The following C8orf82 variants were observed in gnomAD, a reference collection of about 807,000 sequenced individuals.
The protein encoded by C8orf82 is chromosome 8 open reading frame 82, also known as UPF0598 protein C8orf82.
Under a neutral mutation model 15.0 loss-of-function variants are expected in C8orf82, and 24 were observed. That is an observed-to-expected ratio of 1.60 (90% CI 1.16 to 2.24). The LOEUF is 2.24. Ranked by LOEUF, C8orf82 falls within the 30% of genes most tolerant of loss-of-function variation. The probability of loss-of-function intolerance (pLI) is 0.00; values close to 1 mark genes in which losing one functional copy is unlikely to be tolerated. For synonymous variants in C8orf82, 205 were observed against 152.2 expected, an observed-to-expected ratio of 1.35 and a Z score of -2.55; for missense variants, 388 against 317.4, an observed-to-expected ratio of 1.22 and a Z score of -1.69.
chr8:144,526,988 C>A lies in C8orf82; in HGVS notation c.*354G>T, dbSNP rs925785801. ...ACGCTCCCGCGGCGAGCGGCTCCCC[C>A]GCCGTGCAGGTGGCGGCCGGGCCCG... On this transcript the variant is annotated 3_prime_UTR_variant, in exon 3 of 3. Transcript: ENST00000524821. 1 of 153,194 alleles carries A rather than the reference C, an allele frequency of 6.5e-6. No homozygotes were observed. 9.5% of individuals were successfully genotyped at this position (153,194 alleles called of 1,614,324 possible).
intron 1 of C8orf82, 28 bp downstream of exon 1, chr8:144,528,733 C>G: frequency 7.9e-7 from 1 of 1,272,970 alleles, no homozygotes; most frequent in Non-Finnish European, 1.0e-6. Flanking sequence ...GGCCCCGCCT[C>G]TCGAGCAACG....
rs1364886324 is a variant in C8orf82 at position 144,527,417 on chromosome 8, G to C, written c.576C>G (p.His192Gln). 1.6e-6 allele frequency: 2 copies of C among 1,240,790 alleles called. No homozygotes were observed. The highest frequency in any genetic ancestry group is 2.0e-6 in the Non-Finnish European group (2 of 988,752). The allele number at this position is 1,240,790 out of a possible 1,614,324, so 76.9% of individuals were successfully genotyped here. ...YGPGAPALPS[H>Q]VRWQGRRLAL... ...CGAGGCGGCGGCCCTGCCAGCGCAC[G>C]TGCGAGGGCAGCGCAGGCGCGCCGG... is the stretch of plus-strand genomic sequence containing the variant. The change falls in exon 3 of 3, where the codon CAC (histidine) becomes CAG (glutamine). Residue 192 changes from histidine to glutamine, a missense_variant. Coordinates refer to ENST00000524821, the MANE Select transcript of C8orf82 (RefSeq NM_001001795.2).
rs767836210 is a variant in C8orf82, at chr8:144,528,082, G to A, written c.157-10C>T. On this transcript the variant is annotated splice_polypyrimidine_tract_variant and intron_variant, in intron 1 of 2. Transcript: ENST00000524821. ...AATCATCCAGGAAAAGCTGCAGATA[G>A]AGGGCCAGGCCGTGATAAGTCCCAG... 1.2e-6 allele frequency: 2 copies of A among 1,612,202 alleles called. No homozygotes were observed. The highest frequency in any genetic ancestry group is 1.1e-5 in the South Asian group (1 of 91,072).
Position 144,527,354 on chromosome 8 carries a change from A to G in C8orf82, c.639T>C (p.Ala213=). The G allele has an allele frequency of 5.8e-6, 7 of 1,208,098 alleles. No homozygotes were observed. Among genetic ancestry groups the G allele is most frequent in the Non-Finnish European group, 7.2e-6 (7 of 968,226 alleles). 74.8% of individuals were successfully genotyped at this position (1,208,098 alleles called of 1,614,324 possible). ...TMDLAPLLLA[A]RSP ...CCCTTGGCCCCGCTCAGGGCGACCG[A>G]GCCGCGAGCAGCAGCGGGGCCAGGT... Residue 213 remains alanine, a synonymous_variant, in exon 3 of 3, where the codon GCT becomes GCC. Transcript: ENST00000524821.
Position 144,527,921 on chromosome 8 carries a change from G to T in C8orf82, c.205+103C>A, listed in dbSNP as rs765250495. ...TCAGCGGGGCTCCTGAGCGCAGGACGCCCACTCCTTGGTGCGCTGGGCCCG... is the reference window on the plus strand; with the variant it reads ...TCAGCGGGGCTCCTGAGCGCAGGACTCCCACTCCTTGGTGCGCTGGGCCCG... On this transcript the variant is annotated intron_variant, in intron 2 of 2. Transcript: ENST00000524821. 2.0e-6 allele frequency: 3 copies of T among 1,502,034 alleles called. No individual in the cohort carries two copies. The South Asian group carries it at 3.4e-5, about 17-fold the overall frequency. The allele number at this position is 1,502,034 out of a possible 1,614,324, so 93.0% of individuals were successfully genotyped here.
intron 1 of C8orf82, 53 bp downstream of exon 1, chr8:144,528,708 C>CCCCCA: frequency 1.0e-5 from 8 of 770,996 alleles, no homozygotes; most frequent in Non-Finnish European, 1.4e-5. Context: ...CCCGCCCCGC[C>CCCCCA]CAGAGACCTC....
In C8orf82 at chr8:144,529,043, G is replaced by A. The variant is rs2130806479; in HGVS notation, c.-127C>T. 3.0e-6 allele frequency: 3 copies of A among 1,009,078 alleles called. No individual in the cohort carries two copies. The highest frequency in any genetic ancestry group is 2.2e-5 in the South Asian group (1 of 44,868). The allele number at this position is 1,009,078 out of a possible 1,614,324, so 62.5% of individuals were successfully genotyped here. A position where few individuals can be genotyped will look rare whatever the true frequency, so the allele number is the denominator to read the frequency against. ...CCCGCCTCCGCGACCCGGGCCCGGCGCTCTTCCCTCTCCCTCGGGCCTCGG... is the reference window on the plus strand; with the variant it reads ...CCCGCCTCCGCGACCCGGGCCCGGCACTCTTCCCTCTCCCTCGGGCCTCGG... On this transcript the variant is annotated 5_prime_UTR_variant, in exon 1 of 3. Transcript: ENST00000524821.
In C8orf82 at chr8:144,527,384, G is replaced by T; in HGVS notation, c.609C>A (p.Thr203=). ...CGAGCAGCAGCGGGGCCAGGTCCAT[G>T]GTGAGGGCGAGGCGGCGGCCCTGCC... ...VRWQGRRLAL[T]MDLAPLLLAA... is the part of the protein sequence containing the mutation. Residue 203 remains threonine, a synonymous_variant, in exon 3 of 3, where the codon ACC becomes ACA. Transcript: ENST00000524821. The T allele has an allele frequency of 1.6e-6, 2 of 1,240,686 alleles. No homozygotes were observed. The highest frequency in any genetic ancestry group is 2.0e-6 in the Non-Finnish European group (2 of 986,756). The allele number at this position is 1,240,686 out of a possible 1,614,324, so 76.9% of individuals were successfully genotyped here. A position where few individuals can be genotyped will look rare whatever the true frequency, so the allele number is the denominator to read the frequency against.
intron 1 of C8orf82, chr8:144,528,506 C>G (rs1326731973): frequency 7.0e-6 from 10 of 1,423,722 alleles, no homozygotes; most frequent in Non-Finnish European, 9.2e-6. Context: ...CACAACGCAG[C>G]AGGGACGCGG....
At chr8:144,527,887 T>G (rs2721143) in intron 2 of C8orf82, 100 bp from the exon 3 acceptor site, 2 of 1,518,126 alleles carry the variant, frequency 1.3e-6, no homozygotes, top group Non-Finnish European at 1.8e-6. Context: ...GAGGTTCGCC[T>G]GGCCTCACTC....
At position 144,527,735 on chromosome 8, in the gene C8orf82, C is replaced by T. The variant is rs1436742383; in HGVS notation, c.258G>A (p.Gly86=). ...GGAAGGGGAAAGCGGCCTCGTAGCG[C>T]CCGCTGCGGTTGGGTCTCAGGCGGG... ...FFSRLRPNRS[G]RYEAAFPFLS... Residue 86 remains glycine, a synonymous_variant, in exon 3 of 3, where the codon GGG becomes GGA. Transcript: ENST00000524821. The T allele has an allele frequency of 6.3e-7, 1 of 1,592,988 alleles. No individual in the cohort carries two copies. Among genetic ancestry groups the T allele is most frequent in the Non-Finnish European group, 8.5e-7 (1 of 1,176,922 alleles).
Position 144,527,152 on chromosome 8 carries a change from G to T in C8orf82, c.*190C>A. 3.7e-6 allele frequency: 1 copy of T among 267,048 alleles called. No homozygotes were observed. Among genetic ancestry groups the T allele is most frequent in the Non-Finnish European group, 6.4e-6 (1 of 156,090 alleles). The allele number at this position is 267,048 out of a possible 1,614,324, so 16.5% of individuals were successfully genotyped here. ...GTCGGGTGCGCGGGGGGCGCGCGCCGTGGGGAGCGGGGTGTCCGGGAGGGC... is the reference window on the plus strand; with the variant it reads ...GTCGGGTGCGCGGGGGGCGCGCGCCTTGGGGAGCGGGGTGTCCGGGAGGGC... On this transcript the variant is annotated 3_prime_UTR_variant, in exon 3 of 3. Transcript: ENST00000524821.
chr8:144,528,616 C>CCCGGGGGGGGGGGGGGGGGGGGG, intron 1 of C8orf82, 145 bp downstream of exon 1: 7 of 296,004 alleles, frequency 2.4e-5, no homozygotes, highest in Non-Finnish European at 3.6e-5. Flanking sequence ...GCGCAGGCCC[C>CCCGGGGGGGGGGGGGGGGGGGGG]GCCCACCCAC....
rs1306935141 is a variant in C8orf82 at position 144,527,272 on chromosome 8, CCGGGGCGTGGAGTCCCGGGGGAG to C, written c.*47_*69del. The C allele has an allele frequency of 1.9e-6, 2 of 1,064,776 alleles. No homozygotes were observed. The highest frequency in any genetic ancestry group is 1.7e-5 in the African/African-American group (1 of 59,324). 66.0% of individuals were successfully genotyped at this position (1,064,776 alleles called of 1,614,324 possible). The stretch of plus-strand genomic sequence containing the variant: ...CGCGAGCGCGGGTGGCGCGGGCTTT[CCGGGGCGTGGAGTCCCGGGGGAG>C]CGGGGCGAGAGGCGCCCGCGGCCTC... On this transcript the variant is annotated 3_prime_UTR_variant, in exon 3 of 3. Coordinates refer to ENST00000524821, the MANE Select transcript of C8orf82 (RefSeq NM_001001795.2).
In C8orf82 at chr8:144,528,983, C is replaced by G; in HGVS notation, c.-67G>C. The G allele has an allele frequency of 7.2e-7, 1 of 1,387,228 alleles. No homozygotes were observed. Among genetic ancestry groups the G allele is most frequent in the Non-Finnish European group, 9.3e-7 (1 of 1,070,350 alleles). 85.9% of individuals were successfully genotyped at this position (1,387,228 alleles called of 1,614,324 possible). On this transcript the variant is annotated 5_prime_UTR_variant, in exon 1 of 3. Transcript: ENST00000524821. ...GCGGTGCTGCGCGAACTCGCGCCTG[C>G]CCGCAGTAGCCCCGCGCTTCGCGTT...
intron 2 of C8orf82, 27 bp from the exon 3 acceptor site, chr8:144,527,814 A>G: frequency 6.3e-7 from 1 of 1,590,110 alleles, no homozygotes; most frequent in Non-Finnish European, 8.5e-7. Flanking sequence ...GCGTGTACTC[A>G]GCGCGCTGGG....
chr8:144,529,015 G>A lies in C8orf82; in HGVS notation c.-99C>T. The A allele has an allele frequency of 7.9e-7, 1 of 1,263,980 alleles. No individual in the cohort carries two copies. Among genetic ancestry groups the A allele is most frequent in the Non-Finnish European group, 1.0e-6 (1 of 980,896 alleles). 78.3% of individuals were successfully genotyped at this position (1,263,980 alleles called of 1,614,324 possible). A position where few individuals can be genotyped will look rare whatever the true frequency, so the allele number is the denominator to read the frequency against. On this transcript the variant is annotated 5_prime_UTR_variant, in exon 1 of 3. Coordinates refer to ENST00000524821, the MANE Select transcript of C8orf82 (RefSeq NM_001001795.2). Reference sequence around the variant, plus strand: ...TAGCCCCGCGCTTCGCGTTCCGGCGGCGCCCGCCTCCGCGACCCGGGCCCG... The same window carrying A: ...TAGCCCCGCGCTTCGCGTTCCGGCGACGCCCGCCTCCGCGACCCGGGCCCG...
rs1205818283 is a variant in C8orf82 at position 144,527,368 on chromosome 8, G to C, written c.625C>G (p.Leu209Val). ...CAGGGCGACCGAGCCGCGAGCAGCA[G>C]CGGGGCCAGGTCCATGGTGAGGGCG... is the stretch of plus-strand genomic sequence containing the variant. ...RLALTMDLAPLLLAARSP is the reference protein window; with the variant it reads ...RLALTMDLAPVLLAARSP The change falls in exon 3 of 3, where the codon CTG (leucine) becomes GTG (valine). Residue 209 changes from leucine (L) to valine (V), a missense_variant. By Grantham distance (32) the Leu-to-Val change is conservative. Transcript: ENST00000524821. 1.2e-4 allele frequency: 152 copies of C among 1,223,144 alleles called. No homozygotes were observed. The highest frequency in any genetic ancestry group is 1.5e-4 in the Non-Finnish European group (146 of 976,522). 75.8% of individuals were successfully genotyped at this position (1,223,144 alleles called of 1,614,324 possible). A position where few individuals can be genotyped will look rare whatever the true frequency, so the allele number is the denominator to read the frequency against.
chr8:144,529,082 C>T lies in C8orf82; in HGVS notation c.-166G>A. 3.1e-6 allele frequency: 2 copies of T among 640,268 alleles called. No individual in the cohort carries two copies. Among genetic ancestry groups the T allele is most frequent in the Non-Finnish European group, 4.7e-6 (2 of 426,630 alleles). 39.7% of individuals were successfully genotyped at this position (640,268 alleles called of 1,614,324 possible). Reference sequence around the variant, plus strand: ...CTCGGGCCTCGGGGGCTCGCCCGCCCTGGCCTTCCGAGAGGCGTGTGCCGG... The same window carrying T: ...CTCGGGCCTCGGGGGCTCGCCCGCCTTGGCCTTCCGAGAGGCGTGTGCCGG... On this transcript the variant is annotated 5_prime_UTR_variant, in exon 1 of 3. Transcript: ENST00000524821.
Sources: gnomAD v4.1 joint callset for allele counts on GRCh38, gnomAD v4.1.1 for gene constraint, MANE v1.5 for transcripts, NCBI Gene and HGNC (gene_info 2026-07-23, HGNC 2026-07-21) for gene names.